The following ZBTB41 variants were observed in gnomAD, a reference collection of about 807,000 sequenced individuals.
ZBTB41 encodes zinc finger and BTB domain-containing protein 41.
A neutral mutation model predicts 87.6 loss-of-function variants in ZBTB41; 42 were observed. The observed-to-expected ratio is 0.48, with a 90% CI of 0.37 to 0.62. The LOEUF is 0.62. ZBTB41 is among the 20% of genes least tolerant of loss of function. The pLI is 0.00. For synonymous variants in ZBTB41, 364 were observed against 364.0 expected (o/e 1.00, Z 0.00); for missense variants, 799 against 1,078.9 (o/e 0.74, Z 3.63).
chr1:197,154,373 A>G lies in ZBTB41; in HGVS notation c.*4986T>C, dbSNP rs1659014550. 1 of 152,120 alleles carries G rather than the reference A, an allele frequency of 6.6e-6. No individual in the cohort carries two copies. Among genetic ancestry groups the G allele is most frequent in the Non-Finnish European group, 1.5e-5 (1 of 67,958 alleles). The allele number at this position is 152,120 out of a possible 1,614,324, so 9.4% of individuals were successfully genotyped here. A position where few individuals can be genotyped will look rare whatever the true frequency, so the allele number is the denominator to read the frequency against. On this transcript the variant is annotated 3_prime_UTR_variant, in exon 11 of 11. Coordinates refer to ENST00000367405, the MANE Select transcript of ZBTB41 (RefSeq NM_194314.3). ...ATATAATCCTTAATTTCTCCTCTGA[A>G]TATAATCCTTAATTTCTCTTTATGT...
chr1:197,199,668 TC>T lies in ZBTB41; in HGVS notation c.805del (p.Asp269MetfsTer12). 1 of 1,613,528 alleles carries T rather than the reference TC, an allele frequency of 6.2e-7. No individual in the cohort carries two copies. The highest frequency in any genetic ancestry group is 8.5e-7 in the Non-Finnish European group (1 of 1,179,946). ...TGACCCATCACCACTTTCCTGTTCATCATCGCTGGTGTCATCAAACTTAACA... is the reference window on the plus strand; with the variant it reads ...TGACCCATCACCACTTTCCTGTTCATATCGCTGGTGTCATCAAACTTAACA... ...CPVKFDDTSDDEQESGDGSDN... is the reference protein window; with the variant it reads ...CPVKFDDTSDXEQESGDGSDN... On this transcript the variant is annotated frameshift_variant, in exon 2 of 11. Coordinates refer to ENST00000367405, the MANE Select transcript of ZBTB41 (RefSeq NM_194314.3). LOFTEE classifies it high-confidence loss of function.
At chr1:197,185,260 G>A (rs1203253265) in intron 5 of ZBTB41, among the ~76,000 whole-genome samples, 1 of 152,060 alleles carries the variant, frequency 6.6e-6, no homozygotes, top group Admixed American at 6.6e-5. Flanking sequence ...AAGCAATGAA[G>A]TGTATATTTT....
chr1:197,180,242 G>T (rs1659710619), intron 6 of ZBTB41, among the ~76,000 whole-genome samples: 1 of 152,078 alleles, frequency 6.6e-6, no homozygotes, highest in Non-Finnish European at 1.5e-5. Context: ...ATACAGGTTT[G>T]TAGCCTGGGA....
intron 10 of ZBTB41, among the ~76,000 whole-genome samples, chr1:197,163,579 AAAAG>A (rs963917573): frequency 5.3e-5 from 8 of 152,034 alleles, no homozygotes; most frequent in Non-Finnish European, 7.4e-5. Flanking sequence ...CTTCCTAAAT[AAAAG>A]AAAGACATCA....
At chr1:197,170,337 C>A (rs1659448380) in intron 10 of ZBTB41, among the ~76,000 whole-genome samples, 1 of 151,900 alleles carries the variant, frequency 6.6e-6, no homozygotes, top group South Asian at 2.1e-4. Flanking sequence ...AAATCCTTCA[C>A]CATTTCCTGG....
At chr1:197,170,283 A>G (rs2125126917) in intron 10 of ZBTB41, among the ~76,000 whole-genome samples, 1 of 152,034 alleles carries the variant, frequency 6.6e-6, no homozygotes, top group East Asian at 1.9e-4. Flanking sequence ...AATCTGAAGA[A>G]CAAAATTTTT....
intron 2 of ZBTB41, among the ~76,000 whole-genome samples, chr1:197,198,300 TAAAAAGC>T (rs72333228): frequency 0.078 from 11,812 of 152,090 alleles, 1,508 homozygotes; most frequent in African/African-American, 0.27. Flanking sequence ...AAAAACATTA[TAAAAAGC>T]AAAAAGCAGA....
intron 4 of ZBTB41, 46 bp from the exon 5 acceptor site, chr1:197,188,485 A>T: frequency 6.7e-7 from 1 of 1,496,878 alleles, no homozygotes; most frequent in Non-Finnish European, 9.0e-7. Flanking sequence ...TGAATTAAAA[A>T]TTGTAATATT....
chr1:197,172,694 T>G (rs1409421909), intron 9 of ZBTB41, among the ~76,000 whole-genome samples: 1 of 152,070 alleles, frequency 6.6e-6, no homozygotes, highest in East Asian at 1.9e-4. Flanking sequence ...TGGTGATGAT[T>G]ACATGACTTG....
rs1446014176 is a variant in ZBTB41, at chr1:197,200,578, AG to A, written c.-106del. On this transcript the variant is annotated 5_prime_UTR_variant, in exon 2 of 11. The change abolishes the stop of an existing upstream ORF in the 5' untranslated region. Coordinates refer to ENST00000367405, the MANE Select transcript of ZBTB41 (RefSeq NM_194314.3). ...AACAGCTTCTGAAGGGGCGTGCCCA[AG>A]GGTTTCATGGTCTGCAAAAGAGTGA... 1.3e-5 allele frequency: 15 copies of A among 1,182,046 alleles called. No homozygotes were observed. Among genetic ancestry groups the A allele is most frequent in the Non-Finnish European group, 1.7e-5 (15 of 863,184 alleles). 73.2% of individuals were successfully genotyped at this position (1,182,046 alleles called of 1,614,324 possible). A position where few individuals can be genotyped will look rare whatever the true frequency, so the allele number is the denominator to read the frequency against.
chr1:197,166,469 C>T (rs535136152), intron 10 of ZBTB41, among the ~76,000 whole-genome samples: 1 of 152,000 alleles, frequency 6.6e-6, no homozygotes, highest in African/African-American at 2.4e-5. Context: ...TAACAGAATA[C>T]CTTTAAAGTG....
intron 9 of ZBTB41, 119 bp downstream of exon 9, chr1:197,174,891 T>C (rs1223265925): frequency 6.2e-6 from 4 of 647,892 alleles, no homozygotes; most frequent in African/African-American, 5.6e-5. Flanking sequence ...TGCTACAGAA[T>C]GTAGAGAAAG....
Position 197,199,418 on chromosome 1 carries a change from G to A in ZBTB41, c.1056C>T (p.Val352=). The A allele has an allele frequency of 5.0e-6, 8 of 1,601,758 alleles. No individual in the cohort carries two copies. Among genetic ancestry groups the A allele is most frequent in the South Asian group, 1.1e-5 (1 of 88,348 alleles). Residue 352 remains valine (V), a synonymous_variant, in exon 2 of 11, where the codon GTC becomes GTT. Coordinates refer to ENST00000367405, the MANE Select transcript of ZBTB41 (RefSeq NM_194314.3). ...GNVHEGLTPV[V]IQNSNKKILQ... ...ATATTTTTTTGTTGCTGTTCTGAAT[G>A]ACCACTGGAGTTAACCCCTCATGAA...
chr1:197,188,520 T>C, intron 4 of ZBTB41, 81 bp from the exon 5 acceptor site: 6 of 1,281,444 alleles, frequency 4.7e-6, no homozygotes, highest in South Asian at 1.6e-5. Flanking sequence ...AAGAAAACCA[T>C]ATAAATTCAA....
chr1:197,188,589 G>T, intron 4 of ZBTB41, 150 bp from the exon 5 acceptor site: 2 of 779,052 alleles, frequency 2.6e-6, no homozygotes, highest in Non-Finnish European at 3.9e-6. Context: ...TTCTAATTGT[G>T]CAGAAAAAAA....
At chr1:197,164,069 T>C (rs927436440) in intron 10 of ZBTB41, among the ~76,000 whole-genome samples, 4 of 152,126 alleles carry the variant, frequency 2.6e-5, no homozygotes, top group African/African-American at 9.6e-5. Flanking sequence ...AGCGATGTCT[T>C]TGGGTTTTAA....
At chr1:197,196,391 T>C (rs573079724) in intron 2 of ZBTB41, among the ~76,000 whole-genome samples, 1 of 152,202 alleles carries the variant, frequency 6.6e-6, no homozygotes, top group Non-Finnish European at 1.5e-5. Flanking sequence ...CTACATTCAA[T>C]GTATCATAAC....
intron 6 of ZBTB41, among the ~76,000 whole-genome samples, chr1:197,179,084 C>A (rs1233565286): frequency 1.3e-5 from 2 of 152,088 alleles, no homozygotes; most frequent in Admixed American, 1.3e-4. Flanking sequence ...ACATCACTAG[C>A]AATTCCTACA....
At chr1:197,162,115 C>A (rs993288156) in intron 10 of ZBTB41, among the ~76,000 whole-genome samples, 10 of 152,130 alleles carry the variant, frequency 6.6e-5, no homozygotes, top group African/African-American at 2.4e-4. Context: ...TTTCCATTAT[C>A]ATTTTAAACA....
Sources: allele counts gnomAD v4.1 joint callset (sites outside exome capture counted in the v4.1 genomes callset), GRCh38; gene constraint gnomAD v4.1.1; transcripts MANE v1.5; gene names NCBI Gene and HGNC (gene_info 2026-07-23, HGNC 2026-07-21).